Variants in TTC34 observed in about 807,000 individuals in gnomAD.
TTC34 encodes tetratricopeptide repeat domain 34.
In TTC34, 44 loss-of-function variants were observed where a neutral mutation model predicts 40.7. That is an observed-to-expected ratio of 1.08 (90% confidence interval 0.85 to 1.39). TTC34 has a LOEUF of 1.39. Ranked by LOEUF, TTC34 falls within the 40% of genes most tolerant of loss-of-function variation. TTC34 has a pLI of 0.00. For synonymous variants in TTC34, 422 were observed against 398.6 expected (o/e 1.06, Z -0.70); for missense variants, 884 against 838.0 (o/e 1.05, Z -0.68).
intron 6 of TTC34, among the ~76,000 whole-genome samples, chr1:2,653,171 A>T (rs1395063657): frequency 2.0e-3 from 259 of 126,742 alleles, no homozygotes; most frequent in South Asian, 3.1e-3. Flanking sequence ...CCACACCCAC[A>T]GGTGAGCATC....
At chr1:2,799,985 G>A (rs1643754188) in intron 2 of TTC34, 59 bp downstream of exon 2, 1 of 398,484 alleles carries the variant, frequency 2.5e-6, no homozygotes. Context: ...ACCATGTGGG[G>A]AGGGAGTGGC....
intron 6 of TTC34, among the ~76,000 whole-genome samples, chr1:2,759,505 A>G (rs1641621248): frequency 6.9e-6 from 1 of 144,724 alleles, no homozygotes; most frequent in Non-Finnish European, 1.5e-5. Flanking sequence ...GGCAGCCTGG[A>G]GCAGCACCCA....
intron 6 of TTC34, among the ~76,000 whole-genome samples, chr1:2,748,989 A>T (rs1220618073): frequency 3.9e-5 from 2 of 51,340 alleles, no homozygotes; most frequent in South Asian, 7.0e-4. Flanking sequence ...ACGGCCTGGA[A>T]CAGCACCCAC....
intron 6 of TTC34, among the ~76,000 whole-genome samples, chr1:2,778,560 C>T (rs1425519600): frequency 1.3e-5 from 2 of 152,186 alleles, no homozygotes; most frequent in Admixed American, 1.3e-4. Context: ...GGAGGAACCA[C>T]TGTTCAGCCA....
chr1:2,780,695 C>T (rs146964076), intron 6 of TTC34, among the ~76,000 whole-genome samples: 2,098 of 152,304 alleles, frequency 0.014, 23 homozygotes, highest in Admixed American at 0.024. Flanking sequence ...AGTGTGAGTC[C>T]TCCAGCTTGC....
intron 6 of TTC34, among the ~76,000 whole-genome samples, chr1:2,695,849 T>TCCGACAGCCGGGAGCAGCACCCATA (rs1640839894): frequency 6.8e-6 from 1 of 148,080 alleles, no homozygotes; most frequent in Non-Finnish European, 1.5e-5. Flanking sequence ...CAGGTGAACA[T>TCCGACAGCCGGGAGCAGCACCCATA]CCGACAGCCT....
At chr1:2,687,774 C>G (rs1363400941) in intron 6 of TTC34, among the ~76,000 whole-genome samples, 5 of 143,430 alleles carry the variant, frequency 3.5e-5, no homozygotes, top group Admixed American at 6.8e-5. Flanking sequence ...CACCCTGAGG[C>G]GAGCATCTGA....
At chr1:2,791,554 C>A (rs943123138) in intron 2 of TTC34, among the ~76,000 whole-genome samples, 1 of 152,230 alleles carries the variant, frequency 6.6e-6, no homozygotes, top group East Asian at 1.9e-4. Flanking sequence ...GCGGTAAGCG[C>A]CGAGTCCAGC....
Position 2,796,310 on chromosome 1 carries a change from G to A in TTC34, c.784+3734C>T, listed in dbSNP as rs1304804882. On this transcript the variant is annotated intron_variant, in intron 2 of 8. Coordinates refer to ENST00000401095, the Ensembl canonical transcript of TTC34. This position sits in a 1 kb window ranked among gnomAD's most constrained non-coding sequence, Gnocchi z 4.5. The stretch of plus-strand genomic sequence containing the variant: ...GTAACCTCCAGATGGAAGGTCATTT[G>A]TTGCAGGAAACTGCATCTGTAAAAA... Among the ~76,000 whole-genome samples, 1 of 152,232 alleles carries A rather than the reference G, an allele frequency of 6.6e-6. No homozygotes were observed. The highest frequency in any genetic ancestry group is 1.9e-4 in the East Asian group (1 of 5,194).
intron 6 of TTC34, among the ~76,000 whole-genome samples, chr1:2,755,343 G>C (rs1435934303): frequency 3.6e-3 from 55 of 15,188 alleles, no homozygotes; most frequent in Admixed American, 6.4e-3. Flanking sequence ...CACCCACACT[G>C]CCAGGCGAGC....
At chr1:2,683,644 C>A (rs1412919207) in intron 6 of TTC34, among the ~76,000 whole-genome samples, 3 of 148,634 alleles carry the variant, frequency 2.0e-5, no homozygotes, top group African/African-American at 7.7e-5. Flanking sequence ...CCCAGGTGAG[C>A]ATCTGACAGC....
intron 8 of TTC34, among the ~76,000 whole-genome samples, chr1:2,642,512 C>G (rs549105626): frequency 6.6e-6 from 1 of 152,324 alleles, no homozygotes; most frequent in African/African-American, 2.4e-5. Context: ...CTGCCCCCCC[C>G]ACTCCTCCCG....
intron 6 of TTC34, among the ~76,000 whole-genome samples, chr1:2,684,782 G>A (rs1430956894): frequency 1.7e-5 from 2 of 115,490 alleles, no homozygotes; most frequent in East Asian, 5.2e-4. Flanking sequence ...TGACGGCCTG[G>A]AACAGCACCC....
At chr1:2,767,477 C>A (rs1641803798) in intron 6 of TTC34, among the ~76,000 whole-genome samples, 2 of 149,562 alleles carry the variant, frequency 1.3e-5, no homozygotes, top group African/African-American at 2.5e-5. Flanking sequence ...GAACAGAATT[C>A]TCCAACCACA....
At position 2,641,712 on chromosome 1, in the gene TTC34, C is replaced by A. The variant is rs1053191328; in HGVS notation, c.2896G>T (p.Glu966Ter). 6.5e-7 allele frequency: 1 copy of A among 1,535,540 alleles called. No individual in the cohort carries two copies. The highest frequency in any genetic ancestry group is 8.7e-7 in the Non-Finnish European group (1 of 1,146,702). Residue 966 changes from glutamate to a stop codon, truncating the protein, a stop_gained, in exon 9 of 9, where the codon GAG becomes TAG. Coordinates refer to ENST00000401095, the Ensembl canonical transcript of TTC34. LOFTEE classifies it low-confidence loss of function (END_TRUNC). ...GGGAGGTCACCATCCCCCAGCGCCT[C>A]CTGGAGCACATGGTCCAGGTCCCTA... is the stretch of plus-strand genomic sequence containing the variant.
intron 6 of TTC34, among the ~76,000 whole-genome samples, chr1:2,684,477 AC>A (rs1640227307): frequency 4.1e-5 from 3 of 72,718 alleles, no homozygotes; most frequent in Non-Finnish European, 8.1e-5. Flanking sequence ...GCACCCACAC[AC>A]CCAGGCGAGC....
intron 6 of TTC34, among the ~76,000 whole-genome samples, chr1:2,769,741 A>T (rs556575402): frequency 4.0e-4 from 58 of 145,690 alleles, no homozygotes; most frequent in African/African-American, 1.5e-3. Flanking sequence ...AGCCTGGAGC[A>T]GCGCCCACAC....
At chr1:2,641,281 G>T in exon 9 of TTC34, 1 of 1,400,662 alleles carries the variant, frequency 7.1e-7, no homozygotes, top group South Asian at 1.5e-5. Context: ...CCCCGATTTA[G>T]GGAGCTGGGT....
At chr1:2,653,917 G>A (rs1570757365) in intron 6 of TTC34, among the ~76,000 whole-genome samples, 1 of 143,406 alleles carries the variant, frequency 7.0e-6, no homozygotes, top group African/African-American at 2.6e-5. Flanking sequence ...ACAGCCTGGA[G>A]CAGCACCCAC....
Sources: gnomAD v4.1 joint callset for allele counts (sites outside exome capture counted in the v4.1 genomes callset) on GRCh38, gnomAD v4.1.1 for gene constraint, Gnocchi (gnomAD v3.1) non-coding constraint, MANE v1.5 for transcripts, NCBI Gene and HGNC (gene_info 2026-07-23, HGNC 2026-07-21) for gene names.